The following MLLT10 variants were observed in gnomAD, a reference collection of about 807,000 sequenced individuals.
MLLT10 encodes the protein MLLT10 histone lysine methyltransferase DOT1L cofactor.
Under a neutral mutation model 129.1 loss-of-function variants are expected in MLLT10, and 30 were observed. That is an observed-to-expected ratio of 0.23 (90% confidence interval 0.17 to 0.32). The LOEUF (loss-of-function observed/expected upper bound fraction) is 0.32, where lower values mean the gene tolerates loss of function less well. MLLT10 is among the 10% of genes least tolerant of loss of function. The pLI, the probability that MLLT10 is intolerant of heterozygous loss-of-function variation, is 1.00. For synonymous variants in MLLT10, 490 were observed against 446.4 expected (o/e 1.10, Z -1.23); for missense variants, 1,119 against 1,268.3 (o/e 0.88, Z 1.79).
intron 5 of MLLT10, among the ~76,000 whole-genome samples, chr10:21,598,899 G>A (rs573300259): frequency 2.6e-4 from 39 of 151,828 alleles, no homozygotes; most frequent in African/African-American, 9.4e-4. Flanking sequence ...AAAAAAATTG[G>A]CTGGGCCTGC....
intron 3 of MLLT10, among the ~76,000 whole-genome samples, chr10:21,555,414 G>T (rs1005351339): frequency 2.6e-5 from 4 of 150,966 alleles, no homozygotes; most frequent in Non-Finnish European, 5.9e-5. Context: ...GTAGAGACTG[G>T]GTTTTGCCAT....
At chr10:21,557,185 A>G (rs558051099) in intron 3 of MLLT10, 12 of 1,305,280 alleles carry the variant, frequency 9.2e-6, no homozygotes, top group South Asian at 7.9e-5. Context: ...CACTTCTTCA[A>G]ATGCCTACTG....
intron 6 of MLLT10, among the ~76,000 whole-genome samples, 160 bp from the exon 7 acceptor site, chr10:21,614,671 C>T (rs2045049069): frequency 6.6e-6 from 1 of 152,140 alleles, no homozygotes; most frequent in Admixed American, 6.5e-5. Context: ...GTGAAATACA[C>T]TTGGTCACAG....
intron 8 of MLLT10, among the ~76,000 whole-genome samples, chr10:21,633,550 G>A (rs2047192606): frequency 6.6e-6 from 1 of 151,884 alleles, no homozygotes; most frequent in African/African-American, 2.4e-5. Flanking sequence ...AAATAAGCTG[G>A]GCATGGTGGT....
chr10:21,705,860 C>G (rs2055441179), intron 13 of MLLT10, among the ~76,000 whole-genome samples: 1 of 152,194 alleles, frequency 6.6e-6, no homozygotes, highest in Non-Finnish European at 1.5e-5. Context: ...GCTGTCAACA[C>G]AATCTCCTCG....
rs1349153213 is a variant in MLLT10, at chr10:21,645,120, G to A, written c.700-6553G>A. On this transcript the variant is annotated intron_variant, in intron 8 of 22. Transcript: ENST00000307729. The stretch of plus-strand genomic sequence containing the variant: ...ACCTCTCTTCAGATTTGGGACTTTC[G>A]GTTATATTCTCAGAATTTTTGGGAA... 2.0e-5 allele frequency among the ~76,000 whole-genome samples: 3 copies of A among 152,186 alleles called. No individual in the cohort carries two copies. The South Asian group carries it at 6.2e-4, about 32-fold the overall frequency.
chr10:21,672,366 C>G (rs986857175), intron 10 of MLLT10, among the ~76,000 whole-genome samples: 1 of 151,984 alleles, frequency 6.6e-6, no homozygotes, highest in Non-Finnish European at 1.5e-5. Context: ...TAGATGGGAC[C>G]ACAAGCATGC....
At chr10:21,616,625 G>C (rs1211431383) in intron 7 of MLLT10, among the ~76,000 whole-genome samples, 1 of 151,802 alleles carries the variant, frequency 6.6e-6, no homozygotes, top group African/African-American at 2.4e-5. Flanking sequence ...AATAAAATGT[G>C]CAGGAATTAT....
intron 14 of MLLT10, among the ~76,000 whole-genome samples, chr10:21,717,586 CTCTTCCTCTTCTT>C (rs1181154293): frequency 3.8e-4 from 45 of 119,088 alleles, no homozygotes; most frequent in African/African-American, 1.2e-3. Context: ...TTCTTTCTTC[CTCTTCCTCTTCTT>C]TCTTCCTCTT....
intron 7 of MLLT10, 41 bp downstream of exon 7, chr10:21,614,965 G>A (rs371704926): frequency 6.8e-7 from 1 of 1,481,250 alleles, no homozygotes; most frequent in African/African-American, 1.4e-5. Context: ...ATTATGATTA[G>A]TTTTGACAAT....
chr10:21,629,650 A>G (rs2046820898), intron 8 of MLLT10, among the ~76,000 whole-genome samples: 2 of 152,230 alleles, frequency 1.3e-5, no homozygotes, highest in African/African-American at 4.8e-5. Flanking sequence ...TACAGAGGAA[A>G]TAAAAGAGTA....
At chr10:21,726,104 C>A in intron 14 of MLLT10, 140 bp from the exon 15 acceptor site, 1 of 595,170 alleles carries the variant, frequency 1.7e-6, no homozygotes, top group Non-Finnish European at 2.9e-6. Flanking sequence ...CAAGTAAGAA[C>A]GAAATTTGCT....
At position 21,545,968 on chromosome 10, in the gene MLLT10, A is replaced by G. The variant is rs192463804; in HGVS notation, c.240+7056A>G. Among the ~76,000 whole-genome samples the G allele has an allele frequency of 1.7e-3, 257 of 152,186 alleles. 1 individual carries two copies. Among genetic ancestry groups the G allele is most frequent in the Middle Eastern group, 6.8e-3 (2 of 294 alleles). On this transcript the variant is annotated intron_variant, in intron 3 of 22. Transcript: ENST00000307729. The stretch of plus-strand genomic sequence containing the variant: ...AGGCGTGAGCCACCATGCCTGGCCT[A>G]TTTTTTATTTAGTGAGCATTTGTTC...
intron 3 of MLLT10, among the ~76,000 whole-genome samples, chr10:21,552,632 TC>T (rs1251078507): frequency 1.3e-5 from 2 of 152,034 alleles, no homozygotes; most frequent in African/African-American, 4.8e-5. Flanking sequence ...CCTCAGGTGA[TC>T]CACCCGCCTC....
chr10:21,579,635 T>C (rs2041179106), intron 3 of MLLT10, among the ~76,000 whole-genome samples: 1 of 151,512 alleles, frequency 6.6e-6, no homozygotes, highest in South Asian at 2.1e-4. Context: ...CGATCTCGGC[T>C]CAACACAACC....
chr10:21,631,114 T>C (rs1294270346), intron 8 of MLLT10, among the ~76,000 whole-genome samples: 2 of 151,744 alleles, frequency 1.3e-5, no homozygotes, highest in African/African-American at 4.8e-5. Flanking sequence ...ATCGAGACCA[T>C]CCTGGCTAAC....
At chr10:21,726,167 C>CTAGA (rs2057494533) in intron 14 of MLLT10, 77 bp from the exon 15 acceptor site, 3 of 942,754 alleles carry the variant, frequency 3.2e-6, no homozygotes, top group Non-Finnish European at 4.8e-6. Flanking sequence ...AATATAATTA[C>CTAGA]TAGATCTATT....
chr10:21,593,588 T>C (rs2042713397), intron 4 of MLLT10, among the ~76,000 whole-genome samples: 1 of 152,106 alleles, frequency 6.6e-6, no homozygotes, highest in South Asian at 2.1e-4. Context: ...TATTGTCTTG[T>C]CTGTCATGTG....
intron 9 of MLLT10, among the ~76,000 whole-genome samples, chr10:21,660,204 C>G (rs1414355603): frequency 6.6e-6 from 1 of 151,260 alleles, no homozygotes; most frequent in East Asian, 2.0e-4. Context: ...TGGGCTTAAG[C>G]CATTTGCCCC....
Sources: gnomAD v4.1 joint callset for allele counts (sites outside exome capture counted in the v4.1 genomes callset) on GRCh38, gnomAD v4.1.1 for gene constraint, MANE v1.5 for transcripts, NCBI Gene and HGNC (gene_info 2026-07-23, HGNC 2026-07-21) for gene names.